IL31RA: variants seen among roughly 807,000 people sequenced by gnomAD.
IL31RA encodes interleukin 31 receptor A, also known as interleukin-31 receptor subunit alpha.
A neutral mutation model predicts 83.7 loss-of-function variants in IL31RA; 66 were observed. The ratio of observed to expected loss-of-function variants is 0.79; its 90% CI spans 0.65 to 0.97. The LOEUF is 0.97. Ranked by LOEUF, IL31RA falls within the 50% of genes least tolerant of loss-of-function variation. The pLI is 0.00. For missense variants in IL31RA, 798 were observed against 919.4 expected, an observed-to-expected ratio of 0.87 and a Z score of 1.71; for synonymous variants, 325 against 329.0, an observed-to-expected ratio of 0.99 and a Z score of 0.13.
At chr5:55,852,156 AATTTTATTTT>A (rs531082492) in intron 1 of IL31RA, 1 of 152,222 alleles carries the variant, frequency 6.6e-6, no homozygotes, top group East Asian at 1.9e-4. Flanking sequence ...ATTATAATGG[AATTTTATTTT>A]ATTTTATTTT....
At chr5:55,850,559 T>G (rs1047738350), upstream of IL31RA, among the ~76,000 whole-genome samples, 1 of 152,250 alleles carries the variant, frequency 6.6e-6, no homozygotes, top group Admixed American at 6.5e-5. Flanking sequence ...AACTAATATT[T>G]CTTTTAAAAA....
At chr5:55,879,553 C>T (rs893779426) in intron 4 of IL31RA, among the ~76,000 whole-genome samples, 3 of 150,152 alleles carry the variant, frequency 2.0e-5, no homozygotes, top group Non-Finnish European at 3.0e-5. Context: ...CTGCCTCAGC[C>T]TCCCAGGCAG....
intron 4 of IL31RA, among the ~76,000 whole-genome samples, chr5:55,875,222 G>A (rs1175354056): frequency 6.6e-6 from 1 of 152,058 alleles, no homozygotes; most frequent in East Asian, 1.9e-4. Flanking sequence ...AATTCCACTT[G>A]GTTGTGGTGT....
chr5:55,896,416 G>T lies in IL31RA; in HGVS notation c.839G>T (p.Arg280Leu). 6.2e-7 allele frequency: 1 copy of T among 1,612,174 alleles called. No individual in the cohort carries two copies. Among genetic ancestry groups the T allele is most frequent in the African/African-American group, 1.3e-5 (1 of 74,916 alleles). The change falls in exon 7 of 15, where the codon CGG (arginine) becomes CTG (leucine). Residue 280 changes from arginine (R) to leucine (L), a missense_variant. Arg to Leu is a moderately radical substitution (Grantham distance 102). Transcript: ENST00000652347. ...GAGGCGGATGGAAGAAGGCCAGTGC[G>T]GTTGTTATGGAAGGTGACCTCCCTC... is the stretch of plus-strand genomic sequence containing the variant. ...PAEADGRRPVRLLWKKARGAP... is the reference protein window; with the variant it reads ...PAEADGRRPVLLLWKKARGAP...
the IL31RA span, among the ~76,000 whole-genome samples, chr5:55,845,733 G>A: frequency 2.0e-5 from 3 of 152,154 alleles, no homozygotes; most frequent in Non-Finnish European, 4.4e-5. Context: ...GAGCCATGTG[G>A]AATTTATAAA....
intron 6 of IL31RA, 102 bp downstream of exon 6, chr5:55,890,237 T>A (rs576185101): frequency 4.1e-6 from 5 of 1,216,352 alleles, no homozygotes; most frequent in East Asian, 4.9e-5. Context: ...AATCATGGAA[T>A]CTCATGACCC....
intron 4 of IL31RA, 85 bp downstream of exon 4, chr5:55,872,536 T>A: frequency 1.0e-6 from 1 of 955,590 alleles, no homozygotes; most frequent in Non-Finnish European, 1.6e-6. Flanking sequence ...GACTCAAAAG[T>A]AGGCTCATCA....
intron 8 of IL31RA, among the ~76,000 whole-genome samples, chr5:55,904,493 G>A (rs1251317013): frequency 1.3e-5 from 2 of 152,202 alleles, no homozygotes; most frequent in East Asian, 3.9e-4. Context: ...GAGCCCTAGG[G>A]TTAGGTGGGG....
intron 13 of IL31RA, among the ~76,000 whole-genome samples, chr5:55,914,532 A>G (rs1749675728): frequency 6.6e-6 from 1 of 152,214 alleles, no homozygotes; most frequent in Admixed American, 6.5e-5. Context: ...ATAAGCCTCA[A>G]AGGAATGACT....
chr5:55,889,844 T>C, intron 5 of IL31RA, 126 bp from the exon 6 acceptor site: 2 of 821,644 alleles, frequency 2.4e-6, no homozygotes, highest in Non-Finnish European at 4.1e-6. Flanking sequence ...AAAAATGATA[T>C]ATTTTAAAAT....
At chr5:55,893,563 T>G (rs1748146880) in intron 6 of IL31RA, among the ~76,000 whole-genome samples, 1 of 152,168 alleles carries the variant, frequency 6.6e-6, no homozygotes, top group Non-Finnish European at 1.5e-5. Context: ...CCCCTTTGAT[T>G]AAACTGAAAA....
At chr5:55,842,820 T>G in the IL31RA span, among the ~76,000 whole-genome samples, 2 of 152,354 alleles carry the variant, frequency 1.3e-5, no homozygotes, top group African/African-American at 2.4e-5. Context: ...AAGTCTGGGC[T>G]TCATGGATTG....
intron 5 of IL31RA, among the ~76,000 whole-genome samples, chr5:55,887,920 C>T (rs531599466): frequency 1.3e-5 from 2 of 150,166 alleles, no homozygotes; most frequent in Admixed American, 6.6e-5. Context: ...CGTGGTGGTG[C>T]GGACCTGTAG....
chr5:55,899,792 T>A, intron 7 of IL31RA, 124 bp from the exon 8 acceptor site: 2 of 724,020 alleles, frequency 2.8e-6, no homozygotes, highest in Non-Finnish European at 5.0e-6. Flanking sequence ...GGTAATTACC[T>A]GATTGTAGTT....
intron 5 of IL31RA, among the ~76,000 whole-genome samples, chr5:55,886,188 C>T (rs559290517): frequency 2.4e-4 from 37 of 151,468 alleles, no homozygotes; most frequent in Non-Finnish European, 3.1e-4. Context: ...CTCCTGTTTT[C>T]CTGGAGGATG....
At chr5:55,898,693 CATATT>C (rs1748613987) in intron 7 of IL31RA, among the ~76,000 whole-genome samples, 1 of 149,160 alleles carries the variant, frequency 6.7e-6, no homozygotes, top group African/African-American at 2.5e-5. Context: ...TTTTAAATAA[CATATT>C]AATATGTTAT....
chr5:55,898,273 C>T (rs983753585), intron 7 of IL31RA, among the ~76,000 whole-genome samples: 1 of 152,080 alleles, frequency 6.6e-6, no homozygotes, highest in Non-Finnish European at 1.5e-5. Flanking sequence ...TTTCAGTGCC[C>T]GCCTCCTCCC....
At chr5:55,850,816 C>A (rs1011674007), upstream of IL31RA, among the ~76,000 whole-genome samples, 1 of 152,202 alleles carries the variant, frequency 6.6e-6, no homozygotes, top group Non-Finnish European at 1.5e-5. Flanking sequence ...TACTGCTGAG[C>A]GTGGTGGCTC....
chr5:55,839,814 T>TC, the IL31RA span: 1 of 762,896 alleles, frequency 1.3e-6, no homozygotes, highest in Admixed American at 1.7e-5. Flanking sequence ...CTGTCCTTTT[T>TC]CAGGGCCAAT....
Sources: gnomAD v4.1 joint callset for allele counts (sites outside exome capture counted in the v4.1 genomes callset) on GRCh38, gnomAD v4.1.1 for gene constraint, MANE v1.5 for transcripts, NCBI Gene and HGNC (gene_info 2026-07-23, HGNC 2026-07-21) for gene names.